Variants in SNX9 observed in about 807,000 individuals in gnomAD.
SNX9 encodes sorting nexin 9.
SNX9 carries 44 observed loss-of-function variants against 89.4 expected under a neutral mutation model. That is an observed-to-expected ratio of 0.49 (90% CI 0.39 to 0.63). The LOEUF (loss-of-function observed/expected upper bound fraction) is 0.63, where lower values mean the gene tolerates loss of function less well. Ranked by LOEUF, SNX9 falls within the 30% of genes least tolerant of loss-of-function variation. The pLI, the probability that SNX9 is intolerant of heterozygous loss-of-function variation, is 0.00. For missense variants in SNX9, 578 were observed against 736.1 expected (o/e 0.79, Z 2.49); for synonymous variants, 236 against 247.8 (o/e 0.95, Z 0.45).
chr6:157,907,418 A>T (rs529544583), intron 7 of SNX9, among the ~76,000 whole-genome samples: 1 of 152,072 alleles, frequency 6.6e-6, no homozygotes, highest in South Asian at 2.1e-4. Context: ...AGTAGCTGGG[A>T]TTACAGGCAT....
chr6:157,840,434 T>TTTCCTTTCCTTCCTTTCTTTCCTTTCC (rs57335143), intron 1 of SNX9, among the ~76,000 whole-genome samples: 7 of 146,374 alleles, frequency 4.8e-5, no homozygotes, highest in African/African-American at 1.6e-4. Flanking sequence ...CTTTCTTTTC[T>TTTCCTTTCCTTCCTTTCTTTCCTTTCC]TTCCTTTCTT....
intron 7 of SNX9, among the ~76,000 whole-genome samples, chr6:157,908,410 A>G (rs1005192197): frequency 6.6e-6 from 1 of 152,144 alleles, no homozygotes; most frequent in Non-Finnish European, 1.5e-5. Context: ...TTTCATTTTC[A>G]AGCCAAGAAG....
intron 1 of SNX9, among the ~76,000 whole-genome samples, chr6:157,834,619 A>T (rs2803351): frequency 0.98 from 149,427 of 152,136 alleles, 73,389 homozygotes; most frequent in East Asian, 1. Context: ...CCTCCCAAAG[A>T]ATTGTGATTA....
At chr6:157,826,917 ATATAT>A (rs1485715934) in intron 1 of SNX9, among the ~76,000 whole-genome samples, 1 of 2,074 alleles carries the variant, frequency 4.8e-4, no homozygotes, top group East Asian at 0.026. Context: ...AATATATAAA[ATATAT>A]TATAGTTTAT....
At position 157,927,137 on chromosome 6, in the gene SNX9, C is replaced by G. The variant is rs769086330; in HGVS notation, c.1107C>G (p.Ala369=). Residue 369 remains alanine (A), a synonymous_variant, in exon 11 of 18, where the codon GCC becomes GCG. Transcript: ENST00000392185. ...AATGGAAAACTGGAAAGAGGAAGGC[C>G]GAGAGAGATGAGCTGGCGGGAGTCA... The part of the protein sequence containing the change: ...EKEWKTGKRK[A]ERDELAGVMI... 1 of 1,613,926 alleles carries G rather than the reference C, an allele frequency of 6.2e-7. No homozygotes were observed. Among genetic ancestry groups the G allele is most frequent in the Middle Eastern group, 1.6e-4 (1 of 6,062 alleles).
chr6:157,924,932 A>C (rs949854118), intron 10 of SNX9, among the ~76,000 whole-genome samples: 1 of 152,222 alleles, frequency 6.6e-6, no homozygotes, highest in South Asian at 2.1e-4. Context: ...TAAATGTGAA[A>C]AGCAACATAG....
intron 4 of SNX9, 175 bp downstream of exon 4, chr6:157,875,351 C>A: frequency 1.1e-6 from 1 of 895,122 alleles, no homozygotes. Context: ...ACCTGTTAAG[C>A]CTGATAATGA....
chr6:157,900,177 C>T (rs1179111247), intron 5 of SNX9, among the ~76,000 whole-genome samples: 1 of 152,010 alleles, frequency 6.6e-6, no homozygotes, highest in African/African-American at 2.4e-5. Flanking sequence ...TTAAAAGTTC[C>T]ACATGTAAAT....
chr6:157,884,837 A>G (rs908854578), intron 4 of SNX9, among the ~76,000 whole-genome samples: 2 of 152,184 alleles, frequency 1.3e-5, no homozygotes, highest in Non-Finnish European at 2.9e-5. Flanking sequence ...GTTTTGTCTA[A>G]CTGGAAACAA....
At chr6:157,876,413 T>G (rs1782523337) in intron 4 of SNX9, among the ~76,000 whole-genome samples, 2 of 152,220 alleles carry the variant, frequency 1.3e-5, no homozygotes, top group Admixed American at 6.5e-5. Flanking sequence ...ATCGTGCCAC[T>G]GTACTCCAGC....
chr6:157,848,591 A>G (rs1201042937), intron 1 of SNX9, among the ~76,000 whole-genome samples: 1 of 152,184 alleles, frequency 6.6e-6, no homozygotes, highest in African/African-American at 2.4e-5. Context: ...TTGAAAACTG[A>G]ACTAGTAAGA....
At chr6:157,843,577 G>A (rs984361077) in intron 1 of SNX9, among the ~76,000 whole-genome samples, 6 of 152,050 alleles carry the variant, frequency 3.9e-5, no homozygotes, top group African/African-American at 1.4e-4. Flanking sequence ...TAGAAGAAAC[G>A]GTGCATGTAA....
At chr6:157,869,904 C>T (rs1225660591) in intron 2 of SNX9, among the ~76,000 whole-genome samples, 13 of 152,100 alleles carry the variant, frequency 8.5e-5, no homozygotes, top group Admixed American at 8.5e-4. Context: ...CATGCGCACA[C>T]ACCTCGCACC....
At chr6:157,922,431 TG>T (rs1783602121) in intron 10 of SNX9, among the ~76,000 whole-genome samples, 1 of 152,224 alleles carries the variant, frequency 6.6e-6, no homozygotes, top group Admixed American at 6.5e-5. Context: ...ATTATCAGCC[TG>T]GGAAATAAAT....
Position 157,842,975 on chromosome 6 carries a change from G to T in SNX9, c.12+19529G>T, listed in dbSNP as rs147280657. On this transcript the variant is annotated intron_variant, in intron 1 of 17. Coordinates refer to ENST00000392185, the MANE Select transcript of SNX9 (RefSeq NM_016224.5). ...AATTTTGTTTCAGAGTCAAACCATG[G>T]ATCAAATTCTTTCCCAAAGTTAGTT... Among the ~76,000 whole-genome samples the T allele has an allele frequency of 2.2e-3, 329 of 152,296 alleles. 2 individuals carry two copies. The highest frequency in any genetic ancestry group is 7.4e-3 in the African/African-American group (306 of 41,556).
At chr6:157,870,060 GCA>G (rs971293786) in intron 2 of SNX9, among the ~76,000 whole-genome samples, 6 of 149,302 alleles carry the variant, frequency 4.0e-5, no homozygotes, top group South Asian at 2.1e-4. Context: ...GTGTGAGCAC[GCA>G]CACACACCCT....
intron 4 of SNX9, among the ~76,000 whole-genome samples, chr6:157,896,574 G>T (rs1782981439): frequency 6.6e-6 from 1 of 152,186 alleles, no homozygotes; most frequent in African/African-American, 2.4e-5. Flanking sequence ...TAGTTTCTTT[G>T]TTGCTGTTTT....
intron 6 of SNX9, among the ~76,000 whole-genome samples, chr6:157,904,386 A>G (rs1339310679): frequency 2.6e-5 from 4 of 152,116 alleles, no homozygotes; most frequent in Admixed American, 6.5e-5. Context: ...GTGAGCCGAG[A>G]TGGCACCACT....
chr6:157,898,189 A>G (rs567872338), intron 5 of SNX9, among the ~76,000 whole-genome samples: 9 of 152,260 alleles, frequency 5.9e-5, no homozygotes, highest in Non-Finnish European at 8.8e-5. Flanking sequence ...GATTTTATTC[A>G]AAAGAACTGC....
Sources: gnomAD v4.1 joint callset for allele counts (sites outside exome capture counted in the v4.1 genomes callset) on GRCh38, gnomAD v4.1.1 for gene constraint, MANE v1.5 for transcripts, NCBI Gene and HGNC (gene_info 2026-07-23, HGNC 2026-07-21) for gene names.